The following ANKHD1 variants were observed in gnomAD, a reference collection of about 807,000 sequenced individuals.
ANKHD1 encodes the protein ankyrin repeat and KH domain containing 1.
A neutral mutation model predicts 230.5 loss-of-function variants in ANKHD1; 31 were observed. That is an observed-to-expected ratio of 0.13 (90% CI 0.10 to 0.18). The LOEUF (loss-of-function observed/expected upper bound fraction) is 0.18. Ranked by LOEUF, ANKHD1 falls within the 10% of genes least tolerant of loss-of-function variation. The pLI is 1.00. For synonymous variants in ANKHD1, 1,074 were observed against 1,117.6 expected, an observed-to-expected ratio of 0.96 and a Z score of 0.78; for missense variants, 2,256 against 3,071.3, an observed-to-expected ratio of 0.73 and a Z score of 6.27.
Position 140,513,291 on chromosome 5 carries a change from A to G in ANKHD1, c.4201-72A>G, listed in dbSNP as rs115098858. On this transcript the variant is annotated intron_variant, in intron 23 of 33. Coordinates refer to ENST00000360839, the MANE Select transcript of ANKHD1 (RefSeq NM_017747.3). Reference sequence around the variant, plus strand: ...TTTGAACTTTAACCTCTGGACTTTAATGTGCTCATCAGCTTAAGTTTTATT... The same window carrying G: ...TTTGAACTTTAACCTCTGGACTTTAGTGTGCTCATCAGCTTAAGTTTTATT... The G allele has an allele frequency of 4.6e-4, 658 of 1,432,738 alleles. 3 individuals carry two copies. In the African/African-American group the frequency reaches 8.9e-3, roughly 19 times the overall value. 88.8% of individuals were successfully genotyped at this position (1,432,738 alleles called of 1,614,324 possible). A position where few individuals can be genotyped will look rare whatever the true frequency, so the allele number is the denominator to read the frequency against.
intron 10 of ANKHD1, among the ~76,000 whole-genome samples, chr5:140,470,612 T>C (rs1776419817): frequency 1.6e-5 from 1 of 63,198 alleles, no homozygotes; most frequent in African/African-American, 4.5e-5. Flanking sequence ...TTGTTTCTGC[T>C]TTTTTTTTTT....
At chr5:140,498,072 C>G (rs1752115851) in intron 15 of ANKHD1, 1 of 152,198 alleles carries the variant, frequency 6.6e-6, no homozygotes, top group South Asian at 2.1e-4. Flanking sequence ...CATTTACCTT[C>G]CTAAAGATGG....
chr5:140,480,004 G>C (rs1751199102), intron 10 of ANKHD1, among the ~76,000 whole-genome samples: 1 of 150,854 alleles, frequency 6.6e-6, no homozygotes, highest in Admixed American at 6.6e-5. Context: ...TCTGCTTCTT[G>C]CACAGCAGGG....
chr5:140,450,338 C>T (rs1160624296), intron 7 of ANKHD1, among the ~76,000 whole-genome samples: 1 of 150,080 alleles, frequency 6.7e-6, no homozygotes, highest in Non-Finnish European at 1.5e-5. Flanking sequence ...CTCTGTTGCC[C>T]AGGCTGGAGT....
chr5:140,417,335 A>C (rs982637948), intron 1 of ANKHD1, among the ~76,000 whole-genome samples: 1 of 151,976 alleles, frequency 6.6e-6, no homozygotes, highest in African/African-American at 2.4e-5. Context: ...CAAAGGAGCA[A>C]ATCCCAAAAG....
Position 140,486,940 on chromosome 5 carries a change from T to C in ANKHD1, c.2143-18T>C. 1 of 1,605,360 alleles carries C rather than the reference T, an allele frequency of 6.2e-7. No homozygotes were observed. The highest frequency in any genetic ancestry group is 8.5e-7 in the Non-Finnish European group (1 of 1,175,618). On this transcript the variant is annotated intron_variant, in intron 13 of 33. Transcript: ENST00000360839. ...ATTCTTTGGTCTGAGATGATTTTTT[T>C]CTGAGTTGACTTTTTAGGTGCCACG...
rs912388703 is a variant in ANKHD1 at position 140,497,234 on chromosome 5, C to G, written c.2960C>G (p.Thr987Ser). ...GAACCAGATGGACTAATGGTTGCAA[C>G]TCCAGCTCAGACGCTTACCGACACT... ...VQEPDGLMVA[T>S]PAQTLTDTLD... The change falls in exon 15 of 34, where the codon ACT becomes AGT. Residue 987 changes from threonine to serine, a missense_variant. Around this residue, in one of 13 missense-constraint regions of ANKHD1, gnomAD observed 358 missense variants for 397.7 expected, o/e 0.90. Transcript: ENST00000360839. 1 of 1,608,850 alleles carries G rather than the reference C, an allele frequency of 6.2e-7. No individual in the cohort carries two copies. Among genetic ancestry groups the G allele is most frequent in the Non-Finnish European group, 8.5e-7 (1 of 1,179,946 alleles).
In ANKHD1 at chr5:140,526,079, A is replaced by G; in HGVS notation, c.4576A>G (p.Asn1526Asp). The stretch of plus-strand genomic sequence containing the variant: ...CTCTGCAACATCTGCAACATTCACA[A>G]ATGTGTTTGGGAAAAAAAGGGCCAA... ...GISATSATFT[N>D]VFGKKRANVV... The change falls in exon 26 of 34, where the codon AAT becomes GAT. Residue 1526 changes from asparagine (N) to aspartate (D), a missense_variant. Around this residue, in one of 13 missense-constraint regions of ANKHD1, gnomAD observed 212 missense variants for 257.3 expected, o/e 0.82. Transcript: ENST00000360839. The G allele has an allele frequency of 1.2e-6, 2 of 1,613,542 alleles. No individual in the cohort carries two copies. The highest frequency in any genetic ancestry group is 1.7e-6 in the Non-Finnish European group (2 of 1,179,906).
chr5:140,452,131 G>A (rs992467763), intron 7 of ANKHD1, among the ~76,000 whole-genome samples: 1 of 152,134 alleles, frequency 6.6e-6, no homozygotes, highest in Non-Finnish European at 1.5e-5. Context: ...TGCTAACACA[G>A]CAGTCTGAGA....
Position 140,527,316 on chromosome 5 carries a change from C to A in ANKHD1, c.5087+242C>A. 1 of 400,460 alleles carries A rather than the reference C, an allele frequency of 2.5e-6. No homozygotes were observed. Among genetic ancestry groups the A allele is most frequent in the Non-Finnish European group, 4.3e-6 (1 of 234,274 alleles). 24.8% of individuals were successfully genotyped at this position (400,460 alleles called of 1,614,324 possible). A position where few individuals can be genotyped will look rare whatever the true frequency, so the allele number is the denominator to read the frequency against. ...AACCTCAGTTGCTTTTTATGTAGTTCAAATGTAAAGGCTTTCTCTTGCTTT... is the reference window on the plus strand; with the variant it reads ...AACCTCAGTTGCTTTTTATGTAGTTAAAATGTAAAGGCTTTCTCTTGCTTT... On this transcript the variant is annotated intron_variant, in intron 27 of 33. Transcript: ENST00000360839. This position sits in a 1 kb window ranked among gnomAD's most constrained non-coding sequence, Gnocchi z 4.5.
intron 1 of ANKHD1, among the ~76,000 whole-genome samples, chr5:140,433,073 AC>A (rs1406116476): frequency 6.7e-6 from 1 of 150,028 alleles, no homozygotes; most frequent in Non-Finnish European, 1.5e-5. Flanking sequence ...CAAAAAAAAA[AC>A]GGGGGTTTCT....
intron 20 of ANKHD1, among the ~76,000 whole-genome samples, chr5:140,508,660 G>A (rs1344569727): frequency 6.6e-6 from 1 of 152,060 alleles, no homozygotes; most frequent in Admixed American, 6.6e-5. Context: ...GGAGGCTGAG[G>A]CAGAAGAATC....
intron 31 of ANKHD1, 71 bp from the exon 32 acceptor site, chr5:140,538,015 A>G: frequency 1.3e-6 from 2 of 1,527,660 alleles, no homozygotes; most frequent in Non-Finnish European, 1.8e-6. Flanking sequence ...CATGTTTGGT[A>G]ATAACAATGG....
intron 1 of ANKHD1, among the ~76,000 whole-genome samples, chr5:140,418,222 C>T (rs957797932): frequency 1.3e-5 from 2 of 150,884 alleles, no homozygotes; most frequent in African/African-American, 4.9e-5. Context: ...TCACGGTTCA[C>T]TGCAGCCTCA....
chr5:140,489,608 T>G (rs780645298), intron 14 of ANKHD1, among the ~76,000 whole-genome samples: 11 of 152,232 alleles, frequency 7.2e-5, no homozygotes. Context: ...TACTCTGAGA[T>G]GTTTAGGTAG....
At position 140,477,404 on chromosome 5, in the gene ANKHD1, C is replaced by T. The variant is rs554067577; in HGVS notation, c.1783-5176C>T. On this transcript the variant is annotated intron_variant, in intron 10 of 33. Transcript: ENST00000360839. ...AATTTTTTATCTTTCATAAAGCTAGCATTCTGTTTCCAGTAAATATACTTT... is the reference window on the plus strand; with the variant it reads ...AATTTTTTATCTTTCATAAAGCTAGTATTCTGTTTCCAGTAAATATACTTT... Among the ~76,000 whole-genome samples, 17 of 152,204 alleles carry T rather than the reference C, an allele frequency of 1.1e-4. No homozygotes were observed. In the East Asian group the frequency reaches 3.3e-3, roughly 29 times the overall value.
chr5:140,509,913 G>T, intron 21 of ANKHD1, 101 bp downstream of exon 21: 1 of 1,542,750 alleles, frequency 6.5e-7, no homozygotes, highest in South Asian at 1.2e-5. Flanking sequence ...ATATTGTTAA[G>T]AAAAGATTAT....
At chr5:140,533,219 A>C (rs1331055229) in intron 29 of ANKHD1, among the ~76,000 whole-genome samples, 2 of 152,196 alleles carry the variant, frequency 1.3e-5, no homozygotes, top group Non-Finnish European at 2.9e-5. Context: ...AGGCCAAGTC[A>C]GGAGGATCAC....
Position 140,497,118 on chromosome 5 carries a change from T to C in ANKHD1, c.2844T>C (p.Ser948=), listed in dbSNP as rs1295056490. 1.2e-6 allele frequency: 2 copies of C among 1,614,058 alleles called. No homozygotes were observed. The highest frequency in any genetic ancestry group is 2.2e-5 in the East Asian group (1 of 44,900). The change falls in exon 15 of 34, where the codon TCT becomes TCC. Residue 948 remains serine (S), a synonymous_variant. Coordinates refer to ENST00000360839, the MANE Select transcript of ANKHD1 (RefSeq NM_017747.3). ...ACTTAGGTTCTAATGGGACAAATTC[T>C]CTTGAACTTCAGAAAGTATCAGGTA... ...SSDLGSNGTN[S]LELQKVSGNQ...
Sources: gnomAD v4.1 joint callset for allele counts (sites outside exome capture counted in the v4.1 genomes callset) on GRCh38, gnomAD v4.1.1 for gene constraint, gnomAD v4.1.1 regional missense constraint, Gnocchi (gnomAD v3.1) non-coding constraint, MANE v1.5 for transcripts, NCBI Gene and HGNC (gene_info 2026-07-23, HGNC 2026-07-21) for gene names.